The following PDZD2 variants were observed in gnomAD, a reference collection of about 807,000 sequenced individuals.
PDZD2 encodes PDZ domain containing 2, also known as PDZ domain-containing protein 2.
In PDZD2, 90 loss-of-function variants were observed where a neutral mutation model predicts 220.7. That is an observed-to-expected ratio of 0.41 (90% CI 0.34 to 0.49). The LOEUF (loss-of-function observed/expected upper bound fraction) is 0.49. Among genes scored for constraint, PDZD2 ranks in the 20% least tolerant of loss-of-function variants. The pLI, the probability that PDZD2 is intolerant of heterozygous loss-of-function variation, is 0.28. For missense variants in PDZD2, 3,174 were observed against 3,608.5 expected (o/e 0.88, Z 3.08); for synonymous variants, 1,375 against 1,450.5 (o/e 0.95, Z 1.18).
chr5:32,064,895 G>T (rs1251403871), intron 14 of PDZD2, among the ~76,000 whole-genome samples: 1 of 152,168 alleles, frequency 6.6e-6, no homozygotes, highest in Non-Finnish European at 1.5e-5. Flanking sequence ...TTGAACCCAG[G>T]AGATGGAGGT....
intron 17 of PDZD2, among the ~76,000 whole-genome samples, chr5:32,073,046 A>T (rs1322026936): frequency 6.6e-6 from 1 of 152,084 alleles, no homozygotes; most frequent in Non-Finnish European, 1.5e-5. Flanking sequence ...TTGATATATC[A>T]ATTTGAGATA....
intron 6 of PDZD2, among the ~76,000 whole-genome samples, chr5:32,033,270 T>C (rs1454448146): frequency 1.3e-5 from 2 of 152,130 alleles, no homozygotes; most frequent in African/African-American, 4.8e-5. Context: ...TCTCTTAGAG[T>C]GTGGACATTT....
At chr5:32,010,246 A>G in intron 5 of PDZD2, 84 bp from the exon 6 acceptor site, 1 of 925,436 alleles carries the variant, frequency 1.1e-6, no homozygotes, top group African/African-American at 1.6e-5. Flanking sequence ...GGGAGCATGT[A>G]GCTTGACTGT....
At chr5:31,642,436 G>C (rs752012997) in intron 1 of PDZD2, among the ~76,000 whole-genome samples, 2 of 152,194 alleles carry the variant, frequency 1.3e-5, no homozygotes, top group Non-Finnish European at 2.9e-5. Context: ...GCCACTGATA[G>C]AACAGTGTCT....
intron 2 of PDZD2, among the ~76,000 whole-genome samples, chr5:31,932,126 G>T (rs1010803647): frequency 1.3e-5 from 2 of 152,168 alleles, no homozygotes; most frequent in Non-Finnish European, 2.9e-5. Context: ...ATGGGAAAAG[G>T]GGAGAAGGAA....
At chr5:32,001,215 A>G (rs1752078809) in intron 5 of PDZD2, among the ~76,000 whole-genome samples, 1 of 152,184 alleles carries the variant, frequency 6.6e-6, no homozygotes. Flanking sequence ...GAACAGAGCT[A>G]AAGAAAAGGT....
chr5:31,698,164 A>G (rs1375401412), intron 1 of PDZD2, among the ~76,000 whole-genome samples: 2 of 147,970 alleles, frequency 1.4e-5, no homozygotes, highest in Non-Finnish European at 3.0e-5. Context: ...TCAGCCTCCC[A>G]AAGTGCTGAG....
chr5:31,951,039 G>A (rs575191057), intron 2 of PDZD2, among the ~76,000 whole-genome samples: 34 of 152,140 alleles, frequency 2.2e-4, no homozygotes, highest in African/African-American at 7.5e-4. Context: ...GGTGGAAGGG[G>A]CAGATAAGCT....
At chr5:31,664,515 G>C (rs72753573) in intron 1 of PDZD2, among the ~76,000 whole-genome samples, 2 of 150,892 alleles carry the variant, frequency 1.3e-5, no homozygotes, top group African/African-American at 4.9e-5. Flanking sequence ...CACACACACA[G>C]AAATACATGC....
chr5:31,840,699 T>G (rs12518801), intron 2 of PDZD2: 1 of 757,500 alleles, frequency 1.3e-6, no homozygotes, highest in Admixed American at 1.7e-5. Context: ...GTGCTCAATA[T>G]GCACATTAAT....
intron 2 of PDZD2, among the ~76,000 whole-genome samples, chr5:31,963,772 A>G (rs1748464065): frequency 6.6e-6 from 1 of 152,168 alleles, no homozygotes; most frequent in Non-Finnish European, 1.5e-5. Flanking sequence ...CATCTGTCTC[A>G]TCTCTCTCTG....
At chr5:32,069,210 G>A (rs752884350) in intron 14 of PDZD2, among the ~76,000 whole-genome samples, 2 of 149,156 alleles carry the variant, frequency 1.3e-5, no homozygotes, top group Non-Finnish European at 3.0e-5. Flanking sequence ...AGGTTGCAGC[G>A]AGCCAAGATC....
At chr5:31,755,620 T>C (rs1751263867) in intron 1 of PDZD2, among the ~76,000 whole-genome samples, 1 of 151,524 alleles carries the variant, frequency 6.6e-6, no homozygotes, top group Non-Finnish European at 1.5e-5. Flanking sequence ...GTGTGTCTTT[T>C]TTTTTTTTTT....
At chr5:31,666,923 A>G (rs1746010100) in intron 1 of PDZD2, among the ~76,000 whole-genome samples, 1 of 152,026 alleles carries the variant, frequency 6.6e-6, no homozygotes, top group Non-Finnish European at 1.5e-5. Context: ...TCACTCATTC[A>G]CCAAATATTG....
intron 6 of PDZD2, chr5:32,010,709 C>T (rs1227381286): frequency 1.8e-6 from 1 of 558,204 alleles, no homozygotes; most frequent in Admixed American, 2.2e-5. Flanking sequence ...ATAAGCAACC[C>T]AGGGGGCTGG....
At chr5:32,026,749 G>C (rs1478969859) in intron 6 of PDZD2, among the ~76,000 whole-genome samples, 1 of 152,138 alleles carries the variant, frequency 6.6e-6, no homozygotes, top group African/African-American at 2.4e-5. Context: ...TCACCCACTA[G>C]GTCATGGGAC....
chr5:31,946,480 T>A (rs567495754), intron 2 of PDZD2, among the ~76,000 whole-genome samples: 1 of 152,282 alleles, frequency 6.6e-6, no homozygotes, highest in South Asian at 2.1e-4. Context: ...TGTAAAACAT[T>A]CCTTGGGAAT....
chr5:32,073,817 C>A lies in PDZD2; in HGVS notation c.2726-15C>A. ...GCTCAATTTCACTTGACTTTTCTGT[C>A]CCCACCTCCACCAGCTCACAAGGAG... On this transcript the variant is annotated splice_polypyrimidine_tract_variant and intron_variant, in intron 17 of 24. Transcript: ENST00000438447. The A allele has an allele frequency of 1.3e-6, 2 of 1,576,328 alleles. No individual in the cohort carries two copies. The highest frequency in any genetic ancestry group is 1.7e-6 in the Non-Finnish European group (2 of 1,159,596).
chr5:32,100,268 A>T, intron 23 of PDZD2: 3 of 163,718 alleles, frequency 1.8e-5, no homozygotes, highest in South Asian at 1.7e-4. Context: ...GCCCTAGTGA[A>T]CAGTGAACAG....
Sources: allele counts gnomAD v4.1 joint callset (sites outside exome capture counted in the v4.1 genomes callset), GRCh38; gene constraint gnomAD v4.1.1; transcripts MANE v1.5; gene names NCBI Gene and HGNC (gene_info 2026-07-23, HGNC 2026-07-21).